The following PPP1R12B variants were observed in gnomAD, a reference collection of about 807,000 sequenced individuals.
PPP1R12B encodes protein phosphatase 1 regulatory subunit 12B.
PPP1R12B carries 76 observed loss-of-function variants against 126.1 expected under a neutral mutation model. The ratio of observed to expected loss-of-function variants is 0.60; its 90% CI spans 0.50 to 0.73. The LOEUF is 0.73. Among genes scored for constraint, PPP1R12B ranks in the 30% least tolerant of loss-of-function variants. The pLI is 0.00. For synonymous variants in PPP1R12B, 356 were observed against 434.7 expected (o/e 0.82, Z 2.25); for missense variants, 1,052 against 1,205.1 (o/e 0.87, Z 1.88).
intron 1 of PPP1R12B, among the ~76,000 whole-genome samples, chr1:202,371,464 A>T (rs1425155723): frequency 6.6e-6 from 1 of 151,508 alleles, no homozygotes; most frequent in African/African-American, 2.4e-5. Context: ...CTTTTCGCAT[A>T]TTTATTCATT....
intron 23 of PPP1R12B, among the ~76,000 whole-genome samples, chr1:202,572,230 G>T (rs1688672606): frequency 6.6e-6 from 1 of 152,202 alleles, no homozygotes; most frequent in Non-Finnish European, 1.5e-5. Flanking sequence ...CTTGGGGCCA[G>T]TTGGTCATGC....
intron 13 of PPP1R12B, among the ~76,000 whole-genome samples, chr1:202,478,021 T>C (rs1676890649): frequency 6.6e-6 from 1 of 152,214 alleles, no homozygotes; most frequent in Admixed American, 6.5e-5. Context: ...TTTTTATTTC[T>C]GTTTTGTGAG....
intron 23 of PPP1R12B, among the ~76,000 whole-genome samples, chr1:202,570,875 G>C (rs1193418959): frequency 1.3e-5 from 2 of 152,138 alleles, no homozygotes; most frequent in Non-Finnish European, 2.9e-5. Context: ...TTGCATGGAG[G>C]CTCCTCCATT....
At chr1:202,493,951 CT>C (rs1419182217) in intron 15 of PPP1R12B, among the ~76,000 whole-genome samples, 1 of 152,174 alleles carries the variant, frequency 6.6e-6, no homozygotes, top group African/African-American at 2.4e-5. Context: ...TTTCATTTCT[CT>C]AGTGGAGTTG....
At chr1:202,484,832 C>T (rs1002752679) in intron 13 of PPP1R12B, among the ~76,000 whole-genome samples, 6 of 152,174 alleles carry the variant, frequency 3.9e-5, no homozygotes, top group African/African-American at 1.2e-4. Flanking sequence ...TCCTGGCCTA[C>T]AGGATTTCTC....
chr1:202,474,829 G>C (rs1485934911), intron 13 of PPP1R12B, among the ~76,000 whole-genome samples: 1 of 152,016 alleles, frequency 6.6e-6, no homozygotes, highest in African/African-American at 2.4e-5. Flanking sequence ...CAACCATATT[G>C]GGCTGTGCAG....
intron 1 of PPP1R12B, among the ~76,000 whole-genome samples, chr1:202,362,685 A>T (rs1240572332): frequency 6.6e-6 from 1 of 150,488 alleles, no homozygotes; most frequent in Non-Finnish European, 1.5e-5. Context: ...ATAAGGAAAT[A>T]ACTTTGAAAA....
At chr1:202,393,177 A>G (rs1664399787) in intron 1 of PPP1R12B, among the ~76,000 whole-genome samples, 2 of 152,092 alleles carry the variant, frequency 1.3e-5, no homozygotes, top group Non-Finnish European at 2.9e-5. Flanking sequence ...CAAACTCCTG[A>G]CCTCAAGTGA....
chr1:202,389,701 G>A (rs563040477), intron 1 of PPP1R12B, among the ~76,000 whole-genome samples: 69 of 152,180 alleles, frequency 4.5e-4, no homozygotes, highest in East Asian at 7.7e-4. Context: ...AGGCCAAGGC[G>A]GGAAATCACG....
rs565237209 is a variant in PPP1R12B, at chr1:202,445,313, T to G, written c.1667+2741T>G. The G allele has an allele frequency of 1.8e-4, 203 of 1,108,104 alleles. No individual in the cohort carries two copies. The African/African-American group carries it at 2.4e-3, about 13-fold the overall frequency. The allele number at this position is 1,108,104 out of a possible 1,614,324, so 68.6% of individuals were successfully genotyped here. The stretch of plus-strand genomic sequence containing the variant: ...ATATGAAATTTGAACCAAAGAGACT[T>G]TATCACTATAAAAACAAGTTAGAAC... On this transcript the variant is annotated intron_variant, in intron 12 of 23. Coordinates refer to ENST00000608999, the MANE Select transcript of PPP1R12B (RefSeq NM_002481.4).
At chr1:202,535,410 C>T (rs1375870321) in intron 18 of PPP1R12B, among the ~76,000 whole-genome samples, 2 of 136,856 alleles carry the variant, frequency 1.5e-5, no homozygotes, top group Non-Finnish European at 3.5e-5. Flanking sequence ...TTAATTTCTT[C>T]CTTTACTAAC....
intron 18 of PPP1R12B, among the ~76,000 whole-genome samples, chr1:202,557,381 A>T (rs1333075724): frequency 6.6e-6 from 1 of 152,250 alleles, no homozygotes; most frequent in Non-Finnish European, 1.5e-5. Context: ...TTGAGAAAGT[A>T]GGCAATGATA....
At chr1:202,438,265 A>G (rs778806677) in intron 10 of PPP1R12B, 6 of 1,579,532 alleles carry the variant, frequency 3.8e-6, no homozygotes, top group South Asian at 2.2e-5. Context: ...GGTTTGTTCA[A>G]TCTTCCTTGC....
chr1:202,407,017 A>G (rs1279859471), intron 1 of PPP1R12B, among the ~76,000 whole-genome samples: 1 of 152,226 alleles, frequency 6.6e-6, no homozygotes, highest in Non-Finnish European at 1.5e-5. Context: ...CTGTTTGAAG[A>G]TGACTCATGA....
chr1:202,352,401 G>T (rs1420472676), intron 1 of PPP1R12B, among the ~76,000 whole-genome samples: 1 of 152,136 alleles, frequency 6.6e-6, no homozygotes, highest in Non-Finnish European at 1.5e-5. Context: ...TCAGAAAAGA[G>T]ATTTTTCTAG....
chr1:202,464,666 T>C (rs1674753830), intron 13 of PPP1R12B, among the ~76,000 whole-genome samples: 1 of 152,156 alleles, frequency 6.6e-6, no homozygotes. Context: ...ATTTAACTTC[T>C]CTTGTTCAGT....
intron 18 of PPP1R12B, among the ~76,000 whole-genome samples, chr1:202,554,988 C>G (rs967612651): frequency 1.3e-5 from 2 of 151,940 alleles, no homozygotes; most frequent in Non-Finnish European, 2.9e-5. Flanking sequence ...CTAGGCCTCT[C>G]GAAAACCCTA....
At chr1:202,536,891 T>C (rs1684588269) in intron 18 of PPP1R12B, among the ~76,000 whole-genome samples, 1 of 152,216 alleles carries the variant, frequency 6.6e-6, no homozygotes. Flanking sequence ...TCTTATCCCA[T>C]TGGAAGGTCT....
chr1:202,586,328 C>T lies in PPP1R12B; in HGVS notation c.*5768C>T, dbSNP rs781526034. 6 of 152,358 alleles carry T rather than the reference C, an allele frequency of 3.9e-5. No homozygotes were observed. Among genetic ancestry groups the T allele is most frequent in the Non-Finnish European group, 5.9e-5 (4 of 68,162 alleles). 9.4% of individuals were successfully genotyped at this position (152,358 alleles called of 1,614,324 possible). A position where few individuals can be genotyped will look rare whatever the true frequency, so the allele number is the denominator to read the frequency against. On this transcript the variant is annotated 3_prime_UTR_variant, in exon 24 of 24. Transcript: ENST00000608999. ...GCTGCGATGGGAAGAAGGCAGAAGG[C>T]CCAGGGGCTTTGGACATAGAGCAGG...
Sources: gnomAD v4.1 joint callset for allele counts (sites outside exome capture counted in the v4.1 genomes callset) on GRCh38, gnomAD v4.1.1 for gene constraint, MANE v1.5 for transcripts, NCBI Gene and HGNC (gene_info 2026-07-23, HGNC 2026-07-21) for gene names.